Variants in NDUFAF6 observed in about 807,000 individuals in gnomAD.
NDUFAF6 encodes NADH:ubiquinone oxidoreductase complex assembly factor 6.
NDUFAF6 carries 45 observed loss-of-function variants against 40.8 expected under a neutral mutation model. The ratio of observed to expected loss-of-function variants is 1.10; its 90% confidence interval spans 0.87 to 1.42. The LOEUF (loss-of-function observed/expected upper bound fraction) is 1.42. Ranked by LOEUF, NDUFAF6 falls within the 40% of genes most tolerant of loss-of-function variation. The pLI, the probability that NDUFAF6 is intolerant of heterozygous loss-of-function variation, is 0.00. For missense variants in NDUFAF6, 435 were observed against 418.5 expected, an observed-to-expected ratio of 1.04 and a Z score of -0.34; for synonymous variants, 185 against 155.9, an observed-to-expected ratio of 1.19 and a Z score of -1.39.
At chr8:95,041,541 A>G (rs1563819296) in intron 3 of NDUFAF6, 29 bp from the exon 4 acceptor site, 1 of 1,467,312 alleles carries the variant, frequency 6.8e-7, no homozygotes, top group Non-Finnish European at 9.3e-7. Flanking sequence ...AGTACTTTCT[A>G]AAAACTTATA....
chr8:94,914,099 A>ATC (rs1245211873), intron 1 of NDUFAF6, among the ~76,000 whole-genome samples: 2 of 118,492 alleles, frequency 1.7e-5, no homozygotes, highest in African/African-American at 3.2e-5. Context: ...CTGAGACCTT[A>ATC]TCTCTTTTTT....
chr8:94,962,617 T>TTG (rs1554641895), intron 1 of NDUFAF6, among the ~76,000 whole-genome samples: 3 of 102,594 alleles, frequency 2.9e-5, no homozygotes, highest in Non-Finnish European at 5.8e-5. Flanking sequence ...TTGTTTTTTG[T>TTG]TTTTTTTTTT....
upstream of NDUFAF6, among the ~76,000 whole-genome samples, chr8:94,956,087 T>C (rs1487902494): frequency 1.3e-5 from 2 of 152,210 alleles, no homozygotes; most frequent in African/African-American, 4.8e-5. Context: ...TGAATGACTT[T>C]AGGCTTGACC....
intron 1 of NDUFAF6, chr8:94,930,581 A>G: frequency 6.2e-7 from 1 of 1,614,212 alleles, no homozygotes; most frequent in South Asian, 1.1e-5. Flanking sequence ...GACGAAGGCT[A>G]TTTCTGTTAA....
chr8:95,064,920 A>G (rs1832666112), intron 9 of NDUFAF6, among the ~76,000 whole-genome samples: 1 of 152,134 alleles, frequency 6.6e-6, no homozygotes, highest in Non-Finnish European at 1.5e-5. Flanking sequence ...ATTTCTGCAC[A>G]GTTGTCAATT....
intron 1 of NDUFAF6, among the ~76,000 whole-genome samples, chr8:94,898,723 C>G (rs1024735060): frequency 1.3e-5 from 2 of 152,156 alleles, no homozygotes; most frequent in Non-Finnish European, 2.9e-5. Flanking sequence ...GGTGAAGTAT[C>G]TGTATTATTT....
chr8:95,042,805 A>G (rs2131861402), intron 4 of NDUFAF6, among the ~76,000 whole-genome samples: 1 of 152,350 alleles, frequency 6.6e-6, no homozygotes, highest in African/African-American at 2.4e-5. Context: ...AGATCAATGG[A>G]ATAGAAATGA....
At chr8:94,944,826 G>A (rs1026030409) in intron 1 of NDUFAF6, among the ~76,000 whole-genome samples, 3 of 152,152 alleles carry the variant, frequency 2.0e-5, no homozygotes, top group Non-Finnish European at 4.4e-5. Flanking sequence ...TGGGAAAATG[G>A]GGAGACTGCG....
At chr8:95,104,559 G>A (rs1563870366), downstream of NDUFAF6, among the ~76,000 whole-genome samples, 1 of 152,078 alleles carries the variant, frequency 6.6e-6, no homozygotes, top group Non-Finnish European at 1.5e-5. Context: ...TCTCAGCCTC[G>A]TCTAAGGATG....
At position 95,025,069 on chromosome 8, in the gene NDUFAF6, T is replaced by G; in HGVS notation, c.61T>G (p.Cys21Gly). The change falls in exon 1 of 9, where the codon TGC becomes GGC. Residue 21 changes from cysteine (C) to glycine (G), a missense_variant. Cys to Gly is a radical substitution (Grantham distance 159). Coordinates refer to ENST00000396124, the MANE Select transcript of NDUFAF6 (RefSeq NM_152416.4). ...GTTGCGGCTTGGCATCCCCGGCCTG[T>G]GCTGCCGCCGGCCGCCTCTGGGTCT... Reference protein sequence around the residue: ...GPLRLGIPGLCCRRPPLGLYA... With the variant: ...GPLRLGIPGLGCRRPPLGLYA... 1 of 1,442,532 alleles carries G rather than the reference T, an allele frequency of 6.9e-7. No homozygotes were observed. The highest frequency in any genetic ancestry group is 9.0e-7 in the Non-Finnish European group (1 of 1,108,684). 89.4% of individuals were successfully genotyped at this position (1,442,532 alleles called of 1,614,324 possible). A position where few individuals can be genotyped will look rare whatever the true frequency, so the allele number is the denominator to read the frequency against.
chr8:94,981,123 C>T, intron 2 of NDUFAF6: 1 of 382,880 alleles, frequency 2.6e-6, no homozygotes. Flanking sequence ...GGAGGTGGTG[C>T]CTTTAAGAGA....
intron 2 of NDUFAF6, among the ~76,000 whole-genome samples, chr8:95,011,045 C>T (rs920841135): frequency 1.2e-4 from 19 of 152,168 alleles, no homozygotes; most frequent in Non-Finnish European, 2.1e-4. Flanking sequence ...TGCTGCGGGC[C>T]GCCCTGGAAA....
In NDUFAF6 at chr8:94,942,150, C is replaced by T. The variant is rs952638449; in HGVS notation, c.-935-3333C>T. 3.9e-5 allele frequency among the ~76,000 whole-genome samples: 6 copies of T among 152,034 alleles called. No homozygotes were observed. In the East Asian group the frequency reaches 7.7e-4, roughly 20 times the overall value. ...CTCCCGGGTTCACGCCATTCTCCTG[C>T]CTCAGCCTCCCAAGTAGCTGGGACT... On this transcript the variant is annotated intron_variant, in intron 1 of 14. Transcript: ENST00000396113.
chr8:94,986,019 G>A (rs1297315710), intron 2 of NDUFAF6, among the ~76,000 whole-genome samples: 3 of 151,830 alleles, frequency 2.0e-5, no homozygotes, highest in Admixed American at 1.3e-4. Flanking sequence ...GACTACAGGC[G>A]TGTGCCACCA....
At chr8:94,954,058 A>G (rs572547), upstream of NDUFAF6, among the ~76,000 whole-genome samples, 50,396 of 151,814 alleles carry the variant, frequency 0.33, 9,030 homozygotes, top group Non-Finnish European at 0.41. Context: ...TGCAAGATGA[A>G]TTTTTTTGTT....
intron 9 of NDUFAF6, among the ~76,000 whole-genome samples, chr8:95,065,900 T>G (rs989490391): frequency 6.6e-6 from 1 of 152,320 alleles, no homozygotes. Flanking sequence ...TTTATATTTG[T>G]CCCCTTGAAG....
chr8:95,027,894 C>T (rs1369576846), intron 1 of NDUFAF6, among the ~76,000 whole-genome samples: 2 of 152,172 alleles, frequency 1.3e-5, no homozygotes, highest in Admixed American at 6.5e-5. Context: ...TCACCATCCT[C>T]GGCTCTCCTA....
intron 1 of NDUFAF6, 139 bp from the exon 2 acceptor site, chr8:95,031,856 C>T (rs1363817172): frequency 3.9e-6 from 3 of 770,594 alleles, no homozygotes; most frequent in Non-Finnish European, 6.7e-6. Context: ...CCGCCTTGGC[C>T]TCCCAAAGTG....
intron 4 of NDUFAF6, among the ~76,000 whole-genome samples, chr8:95,045,059 G>T (rs1472035814): frequency 1.5e-5 from 1 of 64,912 alleles, no homozygotes; most frequent in African/African-American, 3.9e-5. Flanking sequence ...AGTCAAATAT[G>T]TGGGTTCCCG....
Sources: gnomAD v4.1 joint callset for allele counts (sites outside exome capture counted in the v4.1 genomes callset) on GRCh38, gnomAD v4.1.1 for gene constraint, MANE v1.5 for transcripts, NCBI Gene and HGNC (gene_info 2026-07-23, HGNC 2026-07-21) for gene names.